Variants in PCDHGB4 observed in about 807,000 individuals in gnomAD.
PCDHGB4 encodes the protein protocadherin gamma-B4.
In PCDHGB4, 38 loss-of-function variants were observed where a neutral mutation model predicts 60.5. That is an observed-to-expected ratio of 0.63 (90% confidence interval 0.48 to 0.82). PCDHGB4 has a LOEUF of 0.82. Ranked by LOEUF, PCDHGB4 falls within the 40% of genes least tolerant of loss-of-function variation. The probability of loss-of-function intolerance (pLI) is 0.00; values close to 1 mark genes in which losing one functional copy is unlikely to be tolerated. For missense variants in PCDHGB4, 1,109 were observed against 1,209.6 expected (o/e 0.92, Z 1.23); for synonymous variants, 456 against 509.7 (o/e 0.89, Z 1.42).
Position 141,512,495 on chromosome 5 carries a change from C to T in PCDHGB4, c.*1322C>T, listed in dbSNP as rs2099884264. 1 of 152,920 alleles carries T rather than the reference C, an allele frequency of 6.5e-6. No homozygotes were observed. The highest frequency in any genetic ancestry group is 1.5e-5 in the Non-Finnish European group (1 of 68,240). The allele number at this position is 152,920 out of a possible 1,614,324, so 9.5% of individuals were successfully genotyped here. A position where few individuals can be genotyped will look rare whatever the true frequency, so the allele number is the denominator to read the frequency against. On this transcript the variant is annotated 3_prime_UTR_variant, in exon 4 of 4. Coordinates refer to ENST00000519479, the MANE Select transcript of PCDHGB4 (RefSeq NM_003736.4). ...TTCCGTGAAGGCCACTGCCCAGGTCCCCAGTGCGCCCCCTAGTGGCCATAG... is the reference window on the plus strand; with the variant it reads ...TTCCGTGAAGGCCACTGCCCAGGTCTCCAGTGCGCCCCCTAGTGGCCATAG...
Position 141,413,628 on chromosome 5 carries a change from T to G in PCDHGB4, c.2397+23347T>G, listed in dbSNP as rs570797524. 4.3e-6 allele frequency: 7 copies of G among 1,613,878 alleles called. No homozygotes were observed. The African/African-American group carries it at 6.7e-5, about 15-fold the overall frequency. On this transcript the variant is annotated intron_variant, in intron 1 of 3. Coordinates refer to ENST00000519479, the MANE Select transcript of PCDHGB4 (RefSeq NM_003736.4). ...ACGTAAAAATTAATGAAAATGTCGC[T>G]GCGGGAATGCGTTTTCCTCTCCCGG...
intron 1 of PCDHGB4, chr5:141,423,611 C>T: frequency 1.1e-5 from 18 of 1,611,094 alleles, no homozygotes; most frequent in Non-Finnish European, 1.5e-5. Flanking sequence ...CTCTTGATAG[C>T]TGAAGACTCA....
chr5:141,444,915 T>C (rs1262912255), intron 1 of PCDHGB4, among the ~76,000 whole-genome samples: 1 of 152,174 alleles, frequency 6.6e-6, no homozygotes, highest in East Asian at 1.9e-4. Flanking sequence ...TCTATACCTT[T>C]ATCAGGGAAA....
At chr5:141,410,132 G>T (rs1278988827) in intron 1 of PCDHGB4, 1 of 1,612,754 alleles carries the variant, frequency 6.2e-7, no homozygotes, top group Non-Finnish European at 8.5e-7. Flanking sequence ...GCGCCTGCTG[G>T]TCGCTGTGCG....
chr5:141,421,880 G>A (rs761272704), intron 1 of PCDHGB4: 3 of 1,613,600 alleles, frequency 1.9e-6, no homozygotes, highest in East Asian at 4.5e-5. Flanking sequence ...GCTTTAGATG[G>A]AGGCGATCCC....
rs762138055 is a variant in PCDHGB4, at chr5:141,490,757, T to C, written c.2398-4050T>C. 6.2e-7 allele frequency: 1 copy of C among 1,613,918 alleles called. No homozygotes were observed. The highest frequency in any genetic ancestry group is 2.2e-5 in the East Asian group (1 of 44,892). On this transcript the variant is annotated intron_variant, in intron 1 of 3. Coordinates refer to ENST00000519479, the MANE Select transcript of PCDHGB4 (RefSeq NM_003736.4). The surrounding 1 kb of genome is among the most constrained non-coding windows in gnomAD (Gnocchi z 5.4). ...GTTCAGGGAGCCCCAGCCTCCTCCT[T>C]TGTGTATGTCAACCCAGAGGATGGA...
rs990493129 is a variant in PCDHGB4 at position 141,449,560 on chromosome 5, G to C, written c.2398-45247G>C. On this transcript the variant is annotated intron_variant, in intron 1 of 3. Coordinates refer to ENST00000519479, the MANE Select transcript of PCDHGB4 (RefSeq NM_003736.4). ...GCCGAGATCGCACCACTGCACTCCA[G>C]CCTGGGCGACAGAGCAAGACTCTGT... Among the ~76,000 whole-genome samples, 4 of 145,056 alleles carry C rather than the reference G, an allele frequency of 2.8e-5. No homozygotes were observed. The Admixed American group carries it at 2.8e-4, about 10-fold the overall frequency.
At chr5:141,404,662 T>G (rs1314002801) in intron 1 of PCDHGB4, 1 of 1,614,208 alleles carries the variant, frequency 6.2e-7, no homozygotes, top group East Asian at 2.2e-5. Flanking sequence ...TCCCCACTGA[T>G]GGTTCTACTG....
At chr5:141,461,178 G>A (rs2154567263) in intron 1 of PCDHGB4, among the ~76,000 whole-genome samples, 1 of 152,144 alleles carries the variant, frequency 6.6e-6, no homozygotes, top group East Asian at 1.9e-4. Context: ...TGGATTGAAT[G>A]GTAGATCTGT....
intron 1 of PCDHGB4, among the ~76,000 whole-genome samples, chr5:141,472,030 G>A (rs2099269943): frequency 6.6e-6 from 1 of 152,030 alleles, no homozygotes; most frequent in African/African-American, 2.4e-5. Flanking sequence ...TATGTAGAAA[G>A]CTGTGAAAAG....
chr5:141,507,397 AC>A (rs1163501030), intron 3 of PCDHGB4: 1 of 152,144 alleles, frequency 6.6e-6, no homozygotes. Flanking sequence ...TGGCAACTCT[AC>A]CCCAGATGTC....
In PCDHGB4 at chr5:141,432,172, C is replaced by G. The variant is rs562175068; in HGVS notation, c.2397+41891C>G. On this transcript the variant is annotated intron_variant, in intron 1 of 3. Transcript: ENST00000519479. This position sits in a 1 kb window ranked among gnomAD's most constrained non-coding sequence, Gnocchi z 6.0. ...AGAACAATCCCAGAGGAGTTTCCCTCGTCTCTGTGACCGCCCACGACCCCG... is the reference window on the plus strand; with the variant it reads ...AGAACAATCCCAGAGGAGTTTCCCTGGTCTCTGTGACCGCCCACGACCCCG... 9 of 1,614,034 alleles carry G rather than the reference C, an allele frequency of 5.6e-6. No homozygotes were observed. The highest frequency in any genetic ancestry group is 7.6e-6 in the Non-Finnish European group (9 of 1,180,046).
Position 141,431,334 on chromosome 5 carries a change from C to G in PCDHGB4, c.2397+41053C>G, listed in dbSNP as rs775651426. ...AATGGAGCCGACGGTAGTAAGTACC[C>G]CGAATTGGTGCTGAAACGCGCCCTG... On this transcript the variant is annotated intron_variant, in intron 1 of 3. Transcript: ENST00000519479. This position sits in a 1 kb window ranked among gnomAD's most constrained non-coding sequence, Gnocchi z 4.8. 1.9e-6 allele frequency: 3 copies of G among 1,614,118 alleles called. No individual in the cohort carries two copies. The South Asian group carries it at 3.3e-5, about 18-fold the overall frequency.
Position 141,389,074 on chromosome 5 carries a change from G to C in PCDHGB4, c.1190G>C (p.Arg397Thr), listed in dbSNP as rs1561622860. The C allele has an allele frequency of 6.8e-6, 11 of 1,614,030 alleles. No homozygotes were observed. The highest frequency in any genetic ancestry group is 9.3e-6 in the Non-Finnish European group (11 of 1,179,890). The change falls in exon 1 of 4, where the codon AGA becomes ACA. Residue 397 changes from arginine (R) to threonine (T), a missense_variant. This residue lies in a region of PCDHGB4 where 1,068 missense variants were observed against 1,089.9 expected (regional missense o/e 0.98). Coordinates refer to ENST00000519479, the MANE Select transcript of PCDHGB4 (RefSeq NM_003736.4). The stretch of plus-strand genomic sequence containing the variant: ...CCATTTAAAATATTAACTTCTTCAA[G>C]AAACACGTATAAATTAGTGACAGAT... The part of the protein sequence containing the change: ...DVPFKILTSS[R>T]NTYKLVTDAV...
At chr5:141,405,187 G>A (rs372851700) in intron 1 of PCDHGB4, 1 of 1,613,360 alleles carries the variant, frequency 6.2e-7, no homozygotes, top group East Asian at 2.2e-5. Flanking sequence ...GTGTAGATGG[G>A]GTTCGAGCTT....
At position 141,403,513 on chromosome 5, in the gene PCDHGB4, T is replaced by G. The variant is rs754840157; in HGVS notation, c.2397+13232T>G. ...CCCTGAACGTGCAGACTGGAGACAATGGAGCCATAAACCCAGAGCTGGTGC... is the reference window on the plus strand; with the variant it reads ...CCCTGAACGTGCAGACTGGAGACAAGGGAGCCATAAACCCAGAGCTGGTGC... On this transcript the variant is annotated intron_variant, in intron 1 of 3. Coordinates refer to ENST00000519479, the MANE Select transcript of PCDHGB4 (RefSeq NM_003736.4). 8.1e-5 allele frequency: 131 copies of G among 1,613,832 alleles called. 1 individual carries two copies. In the African/African-American group the frequency reaches 1.2e-3, roughly 15 times the overall value.
At chr5:141,435,362 C>A (rs2097758711) in intron 1 of PCDHGB4, among the ~76,000 whole-genome samples, 1 of 152,120 alleles carries the variant, frequency 6.6e-6, no homozygotes, top group Admixed American at 6.6e-5. Flanking sequence ...AAAATTTTAT[C>A]ACTTAAATAT....
intron 1 of PCDHGB4, chr5:141,427,265 C>T (rs767369457): frequency 6.1e-5 from 28 of 456,570 alleles, no homozygotes; most frequent in Non-Finnish European, 1.1e-4. Context: ...GCATGACCAG[C>T]GAATGTAAAA....
Position 141,486,271 on chromosome 5 carries a change from C to G in PCDHGB4, c.2398-8536C>G, listed in dbSNP as rs143039217. ...CCCTCCCCGAGAGTGCAGAACCTGG[C>G]ACTGTGGTGGCACTTATCAGTGTGC... On this transcript the variant is annotated intron_variant, in intron 1 of 3. Coordinates refer to ENST00000519479, the MANE Select transcript of PCDHGB4 (RefSeq NM_003736.4). The surrounding 1 kb of genome is among the most constrained non-coding windows in gnomAD (Gnocchi z 5.0). 6.2e-7 allele frequency: 1 copy of G among 1,613,968 alleles called. No homozygotes were observed. Among genetic ancestry groups the G allele is most frequent in the African/African-American group, 1.3e-5 (1 of 74,902 alleles).
Sources: allele counts gnomAD v4.1 joint callset (sites outside exome capture counted in the v4.1 genomes callset), GRCh38; gene constraint gnomAD v4.1.1; regional missense constraint gnomAD v4.1.1; non-coding constraint Gnocchi (gnomAD v3.1); transcripts MANE v1.5; gene names NCBI Gene and HGNC (gene_info 2026-07-23, HGNC 2026-07-21).